CNGA3: variants seen among roughly 807,000 people sequenced by gnomAD.
The protein encoded by CNGA3 is cyclic nucleotide gated channel subunit alpha 3.
Under a neutral mutation model 46.6 loss-of-function variants are expected in CNGA3, and 42 were observed. The observed-to-expected ratio is 0.90, with a 90% confidence interval of 0.70 to 1.17. The LOEUF (loss-of-function observed/expected upper bound fraction) is 1.17, where lower values mean the gene tolerates loss of function less well. Ranked by LOEUF, CNGA3 falls within the 50% of genes most tolerant of loss-of-function variation. The pLI is 0.00. For missense variants in CNGA3, 893 were observed against 890.7 expected (o/e 1.00, Z -0.03); for synonymous variants, 394 against 369.4 (o/e 1.07, Z -0.76).
intron 5 of CNGA3, 28 bp from the exon 6 acceptor site, chr2:98,389,630 C>T (rs531079306): frequency 2.8e-5 from 44 of 1,584,782 alleles, no homozygotes; most frequent in East Asian, 8.9e-5. Flanking sequence ...GAGCACAGTG[C>T]GCTGTTTGTG....
intron 7 of CNGA3, 51 bp from the exon 8 acceptor site, chr2:98,395,793 C>T (rs370369226): frequency 6.6e-7 from 1 of 1,524,826 alleles, no homozygotes; most frequent in African/African-American, 1.4e-5. Flanking sequence ...GTACTATGGT[C>T]AAAAAAAGTC....
At chr2:98,394,440 A>C (rs950963554) in intron 7 of CNGA3, among the ~76,000 whole-genome samples, 1 of 152,186 alleles carries the variant, frequency 6.6e-6, no homozygotes, top group Non-Finnish European at 1.5e-5. Flanking sequence ...CTGACTGGTG[A>C]AATCAATTTG....
intron 1 of CNGA3, among the ~76,000 whole-genome samples, chr2:98,358,794 T>A (rs1173073665): frequency 6.6e-6 from 1 of 152,186 alleles, no homozygotes; most frequent in Non-Finnish European, 1.5e-5. Flanking sequence ...CATTTCCCTT[T>A]AGTGATGTAC....
At chr2:98,384,370 G>A (rs944983058) in intron 5 of CNGA3, among the ~76,000 whole-genome samples, 1 of 152,128 alleles carries the variant, frequency 6.6e-6, no homozygotes, top group African/African-American at 2.4e-5. Context: ...TATTCAGGAG[G>A]GGAAGTCTTA....
At chr2:98,365,165 G>A (rs1425215206) in intron 1 of CNGA3, among the ~76,000 whole-genome samples, 1 of 152,072 alleles carries the variant, frequency 6.6e-6, no homozygotes, top group African/African-American at 2.4e-5. Flanking sequence ...AGCCTACTGA[G>A]GTCCAGTGGC....
chr2:98,384,769 G>C (rs936510931), intron 5 of CNGA3, among the ~76,000 whole-genome samples: 21 of 152,288 alleles, frequency 1.4e-4, no homozygotes, highest in African/African-American at 5.1e-4. Context: ...TCTTTGTCCT[G>C]GGGCTGGGGT....
At chr2:98,383,760 G>A (rs1018667354) in intron 5 of CNGA3, among the ~76,000 whole-genome samples, 3 of 152,242 alleles carry the variant, frequency 2.0e-5, no homozygotes, top group Non-Finnish European at 4.4e-5. Flanking sequence ...TGAGGGTGCA[G>A]AACCGGAGTT....
intron 1 of CNGA3, among the ~76,000 whole-genome samples, chr2:98,368,673 A>C (rs1692217639): frequency 6.6e-6 from 1 of 152,246 alleles, no homozygotes; most frequent in East Asian, 1.9e-4. Flanking sequence ...AGTAATTCAC[A>C]CAGAGCTGGC....
chr2:98,353,867 G>A (rs1691821352), intron 1 of CNGA3, among the ~76,000 whole-genome samples: 1 of 152,142 alleles, frequency 6.6e-6, no homozygotes, highest in African/African-American at 2.4e-5. Context: ...GCAGGAGTAG[G>A]GGCAAGTGGG....
chr2:98,391,128 A>G (rs796679447), intron 6 of CNGA3, among the ~76,000 whole-genome samples: 15 of 152,334 alleles, frequency 9.8e-5, no homozygotes, highest in African/African-American at 3.4e-4. Flanking sequence ...TGCCATCCAC[A>G]TGGAAGCAGA....
At chr2:98,361,968 A>G (rs2104150193) in intron 1 of CNGA3, among the ~76,000 whole-genome samples, 1 of 151,776 alleles carries the variant, frequency 6.6e-6, no homozygotes, top group Admixed American at 6.6e-5. Context: ...CGGCCTCCCA[A>G]AGTGCTGGGA....
Position 98,364,639 on chromosome 2 carries a change from G to T in CNGA3, c.-37-5300G>T, listed in dbSNP as rs1351046378. Among the ~76,000 whole-genome samples, 3 of 152,180 alleles carry T rather than the reference G, an allele frequency of 2.0e-5. No homozygotes were observed. In the East Asian group the frequency reaches 5.8e-4, roughly 29 times the overall value. ...ATTTAAGGTTAATATAGTTGTGTATGAATTTGACCCTGTCATCATGATGTC... is the reference window on the plus strand; with the variant it reads ...ATTTAAGGTTAATATAGTTGTGTATTAATTTGACCCTGTCATCATGATGTC... On this transcript the variant is annotated intron_variant, in intron 1 of 7. Transcript: ENST00000272602.
rs371558158 is a variant in CNGA3 at position 98,396,425 on chromosome 2, T to G, written c.1255T>G (p.Ser419Ala). 1.9e-6 allele frequency: 3 copies of G among 1,613,840 alleles called. No homozygotes were observed. In the African/African-American group the frequency reaches 4.0e-5, roughly 22 times the overall value. ...SRAEFQAKID[S>A]IKQYMQFRKV... The stretch of plus-strand genomic sequence containing the variant: ...GGCAGAGTTCCAGGCCAAGATTGAT[T>G]CCATCAAGCAGTACATGCAGTTCCG... Residue 419 changes from serine to alanine, a missense_variant, in exon 8 of 8, where the codon TCC becomes GCC. Ser to Ala is a moderately conservative substitution (Grantham distance 99). This residue lies in a region of CNGA3 where 548 missense variants were observed against 570.8 expected (regional missense o/e 0.96). Coordinates refer to ENST00000272602, the MANE Select transcript of CNGA3 (RefSeq NM_001298.3).
intron 2 of CNGA3, among the ~76,000 whole-genome samples, chr2:98,371,105 G>A (rs1157492489): frequency 2.0e-5 from 3 of 152,198 alleles, no homozygotes; most frequent in Non-Finnish European, 1.5e-5. Flanking sequence ...GATTACAGGT[G>A]TGAGCCACTG....
chr2:98,383,550 G>T (rs1293180989), intron 5 of CNGA3, 109 bp downstream of exon 5: 3 of 1,003,690 alleles, frequency 3.0e-6, no homozygotes, highest in South Asian at 2.6e-5. Flanking sequence ...CACTCCCAGA[G>T]CACCAGTAGA....
intron 5 of CNGA3, among the ~76,000 whole-genome samples, chr2:98,389,351 C>T (rs554784341): frequency 6.6e-6 from 1 of 152,196 alleles, no homozygotes; most frequent in Non-Finnish European, 1.5e-5. Flanking sequence ...GCTGCGTTTT[C>T]ATTCTCAGCA....
chr2:98,377,628 T>C (rs149704543), intron 2 of CNGA3, 59 bp from the exon 3 acceptor site: 10 of 1,457,288 alleles, frequency 6.9e-6, no homozygotes, highest in Non-Finnish European at 9.5e-6. Context: ...CTCCTGGCTG[T>C]GTCCAGGAGG....
intron 2 of CNGA3, among the ~76,000 whole-genome samples, chr2:98,372,094 A>G (rs776863968): frequency 2.6e-5 from 4 of 152,202 alleles, no homozygotes; most frequent in Admixed American, 6.5e-5. Flanking sequence ...CCGGTGAGAT[A>G]CCCACTGGAG....
chr2:98,381,291 T>TGG (rs1307340391), intron 4 of CNGA3, among the ~76,000 whole-genome samples: 1 of 152,084 alleles, frequency 6.6e-6, no homozygotes, highest in Non-Finnish European at 1.5e-5. Flanking sequence ...ACCTATTTTC[T>TGG]GGGGGGTGGG....
Sources: allele counts gnomAD v4.1 joint callset (sites outside exome capture counted in the v4.1 genomes callset), GRCh38; gene constraint gnomAD v4.1.1; regional missense constraint gnomAD v4.1.1; transcripts MANE v1.5; gene names NCBI Gene and HGNC (gene_info 2026-07-23, HGNC 2026-07-21).